HTR7: variants seen among roughly 807,000 people sequenced by gnomAD.
HTR7 encodes 5-hydroxytryptamine receptor 7, also known as 5-HT-7.
A neutral mutation model predicts 34.0 loss-of-function variants in HTR7; 16 were observed. The observed-to-expected ratio is 0.47, with a 90% CI of 0.32 to 0.71. The LOEUF is 0.71. HTR7 is among the 30% of genes least tolerant of loss of function. The pLI is 0.04. For missense variants in HTR7, 504 were observed against 625.5 expected (o/e 0.81, Z 2.07); for synonymous variants, 265 against 260.2 (o/e 1.02, Z -0.18).
In HTR7 at chr10:90,759,135, C is replaced by T. The variant is rs938293040; in HGVS notation, c.540-9541G>A. ...CCGGGAGGTGGAGGTTGCGGTGAGC[C>T]GAGATCGTGCCATTGCACTCCAGCC... On this transcript the variant is annotated intron_variant, in intron 1 of 3. Transcript: ENST00000336152. Among the ~76,000 whole-genome samples, 15 of 148,868 alleles carry T rather than the reference C, an allele frequency of 1.0e-4. 1 individual carries two copies. The East Asian group carries it at 2.4e-3, about 24-fold the overall frequency.
At chr10:90,846,146 A>G (rs992583766) in intron 1 of HTR7, among the ~76,000 whole-genome samples, 3 of 152,208 alleles carry the variant, frequency 2.0e-5, no homozygotes, top group African/African-American at 7.2e-5. Context: ...TATCTTGAGG[A>G]TGGGACCTAA....
chr10:90,857,768 C>G lies in HTR7; in HGVS notation c.-97G>C. On this transcript the variant is annotated 5_prime_UTR_variant, in exon 1 of 4. Coordinates refer to ENST00000336152, the MANE Select transcript of HTR7 (RefSeq NM_019859.4). The surrounding 1 kb of genome is among the most constrained non-coding windows in gnomAD (Gnocchi z 6.5). ...TTCACCTCACCGGTTCCGCTCCGCC[C>G]GGCCCAGCCATGGGGCCCGCGCCGA... 4 of 1,261,650 alleles carry G rather than the reference C, an allele frequency of 3.2e-6. No homozygotes were observed. The highest frequency in any genetic ancestry group is 3.1e-6 in the Non-Finnish European group (3 of 979,448). 78.2% of individuals were successfully genotyped at this position (1,261,650 alleles called of 1,614,324 possible).
intron 1 of HTR7, among the ~76,000 whole-genome samples, chr10:90,773,774 C>T (rs1333140426): frequency 6.6e-6 from 1 of 152,150 alleles, no homozygotes; most frequent in Non-Finnish European, 1.5e-5. Context: ...TTACAAAGGA[C>T]AGAATCTCCT....
At position 90,749,483 on chromosome 10, in the gene HTR7, T is replaced by G; in HGVS notation, c.651A>C (p.Pro217=). ...TTACATTCTGAGCCCATCCAAAGAGTGGAGGTAAGGTGATGGAGGCGGAGA... is the reference window on the plus strand; with the variant it reads ...TTACATTCTGAGCCCATCCAAAGAGGGGAGGTAAGGTGATGGAGGCGGAGA... ...WLLSASITLP[P]LFGWAQNVND... is the part of the protein sequence containing the mutation. The change falls in exon 2 of 4, where the codon CCA becomes CCC. Residue 217 remains proline (P), a synonymous_variant. Coordinates refer to ENST00000336152, the MANE Select transcript of HTR7 (RefSeq NM_019859.4). The surrounding 1 kb of genome is among the most constrained non-coding windows in gnomAD (Gnocchi z 4.2). The G allele has an allele frequency of 2.5e-6, 4 of 1,613,502 alleles. No homozygotes were observed. The highest frequency in any genetic ancestry group is 3.4e-6 in the Non-Finnish European group (4 of 1,179,872).
intron 1 of HTR7, among the ~76,000 whole-genome samples, chr10:90,789,142 A>C (rs1845428026): frequency 6.6e-6 from 1 of 152,232 alleles, no homozygotes; most frequent in Admixed American, 6.5e-5. Context: ...TGGCTAACTG[A>C]CTACTGAAAC....
chr10:90,822,076 C>T (rs998746157), intron 1 of HTR7, among the ~76,000 whole-genome samples: 4 of 152,116 alleles, frequency 2.6e-5, no homozygotes, highest in Admixed American at 2.0e-4. Context: ...AGGAGTGGGG[C>T]ATTGCTATAA....
chr10:90,749,089 C>A lies in HTR7; in HGVS notation c.1045G>T (p.Ala349Ser). ...CWLPFFLLST[A>S]RPFICGTSCS... The stretch of plus-strand genomic sequence containing the variant: ...GAAGTGCCACAGATGAAGGGTCTGG[C>A]TGTCGAGAGGAGGAAAAATGGCAGC... Residue 349 changes from alanine (A) to serine (S), a missense_variant, in exon 2 of 4, where the codon GCC (alanine) becomes TCC (serine). Coordinates refer to ENST00000336152, the MANE Select transcript of HTR7 (RefSeq NM_019859.4). The surrounding 1 kb of genome is among the most constrained non-coding windows in gnomAD (Gnocchi z 4.2). 2.5e-6 allele frequency: 4 copies of A among 1,614,060 alleles called. No individual in the cohort carries two copies. The highest frequency in any genetic ancestry group is 3.4e-6 in the Non-Finnish European group (4 of 1,179,966).
At chr10:90,773,136 T>G (rs1242179558) in intron 1 of HTR7, among the ~76,000 whole-genome samples, 1 of 152,174 alleles carries the variant, frequency 6.6e-6, no homozygotes, top group Non-Finnish European at 1.5e-5. Context: ...TGACAGTAAC[T>G]CAGTATAGAA....
chr10:90,818,992 T>TTCCTGAGGCCTCCCCAGCCATGCA (rs1194820758), intron 1 of HTR7, among the ~76,000 whole-genome samples: 2 of 152,174 alleles, frequency 1.3e-5, no homozygotes, highest in African/African-American at 4.8e-5. Flanking sequence ...GATTGAAAGT[T>TTCCTGAGGCCTCCCCAGCCATGCA]TCCTGAGGCC....
At chr10:90,852,219 T>C (rs1846512169) in intron 1 of HTR7, among the ~76,000 whole-genome samples, 1 of 123,438 alleles carries the variant, frequency 8.1e-6, no homozygotes, top group Non-Finnish European at 1.6e-5. Context: ...AAAAAAGTTT[T>C]TAATTTAAAA....
chr10:90,780,209 T>C (rs1185191732), intron 1 of HTR7, among the ~76,000 whole-genome samples: 6 of 152,092 alleles, frequency 3.9e-5, no homozygotes, highest in Non-Finnish European at 7.4e-5. Flanking sequence ...AGCAAGACCC[T>C]GTCTCTACAA....
chr10:90,853,020 AC>A (rs1402504270), intron 1 of HTR7, among the ~76,000 whole-genome samples: 3 of 152,176 alleles, frequency 2.0e-5, no homozygotes, highest in Non-Finnish European at 4.4e-5. Flanking sequence ...TTTCAGTCAT[AC>A]AAAAAGTTAT....
At chr10:90,849,501 C>G (rs954956475) in intron 1 of HTR7, among the ~76,000 whole-genome samples, 2 of 152,032 alleles carry the variant, frequency 1.3e-5, no homozygotes, top group Non-Finnish European at 2.9e-5. Context: ...AGGAAAGAAT[C>G]TGGTACAATA....
At chr10:90,780,570 A>G (rs1221465745) in intron 1 of HTR7, among the ~76,000 whole-genome samples, 1 of 151,896 alleles carries the variant, frequency 6.6e-6, no homozygotes, top group Non-Finnish European at 1.5e-5. Flanking sequence ...AGAATGAAGC[A>G]CAGTATGTGC....
At chr10:90,780,555 A>AT (rs1449731761) in intron 1 of HTR7, among the ~76,000 whole-genome samples, 10 of 151,192 alleles carry the variant, frequency 6.6e-5, no homozygotes, top group African/African-American at 2.4e-4. Flanking sequence ...AAAAAAAAAA[A>AT]TTCAAGAATG....
chr10:90,823,821 G>A (rs1846025620), intron 1 of HTR7, among the ~76,000 whole-genome samples: 1 of 152,162 alleles, frequency 6.6e-6, no homozygotes, highest in Non-Finnish European at 1.5e-5. Flanking sequence ...ATGAGATCCA[G>A]TTGTTTGAAA....
intron 1 of HTR7, among the ~76,000 whole-genome samples, chr10:90,793,690 G>A (rs1437336851): frequency 6.6e-6 from 1 of 152,094 alleles, no homozygotes; most frequent in African/African-American, 2.4e-5. Context: ...TGACACACAC[G>A]ATCACAAGGC....
intron 1 of HTR7, among the ~76,000 whole-genome samples, chr10:90,808,607 C>T (rs777625086): frequency 9.2e-5 from 14 of 152,094 alleles, no homozygotes; most frequent in South Asian, 2.1e-4. Context: ...CTCTGCGCCC[C>T]GACCCCTTTC....
intron 1 of HTR7, among the ~76,000 whole-genome samples, chr10:90,771,396 C>A (rs576977322): frequency 6.6e-6 from 1 of 152,214 alleles, no homozygotes; most frequent in African/African-American, 2.4e-5. Context: ...CTGAAACATA[C>A]CCACTGCTCA....
Sources: allele counts gnomAD v4.1 joint callset (sites outside exome capture counted in the v4.1 genomes callset), GRCh38; gene constraint gnomAD v4.1.1; non-coding constraint Gnocchi (gnomAD v3.1); transcripts MANE v1.5; gene names NCBI Gene and HGNC (gene_info 2026-07-23, HGNC 2026-07-21).